The following EIF4G3 variants were observed in gnomAD, a reference collection of about 807,000 sequenced individuals.
The protein encoded by EIF4G3 is eukaryotic translation initiation factor 4 gamma 3.
In EIF4G3, 34 loss-of-function variants were observed where a neutral mutation model predicts 186.4. The observed-to-expected ratio is 0.18, with a 90% confidence interval of 0.14 to 0.24. The LOEUF is 0.24. EIF4G3 is among the 10% of genes least tolerant of loss of function. The pLI is 1.00. For missense variants in EIF4G3, 1,536 were observed against 1,948.5 expected (o/e 0.79, Z 3.99); for synonymous variants, 673 against 679.5 (o/e 0.99, Z 0.15).
At chr1:20,926,699 C>T (rs1316944898) in intron 14 of EIF4G3, among the ~76,000 whole-genome samples, 1 of 145,164 alleles carries the variant, frequency 6.9e-6, no homozygotes, top group East Asian at 2.0e-4. Flanking sequence ...AAAAAAACTA[C>T]AATTTTTTCT....
In EIF4G3 at chr1:20,865,254, T is replaced by C; in HGVS notation, c.2631A>G (p.Val877=). 6.2e-7 allele frequency: 1 copy of C among 1,613,724 alleles called. No homozygotes were observed. The highest frequency in any genetic ancestry group is 8.5e-7 in the Non-Finnish European group (1 of 1,179,896). ...TGTTACCAGGCTTGTCTGCCATGGGTACTTTCAGCTACATCCAGACAGGAA... is the reference window on the plus strand; with the variant it reads ...TGTTACCAGGCTTGTCTGCCATGGGCACTTTCAGCTACATCCAGACAGGAA... ...NMCRCLVTLK[V]PMADKPGNTV... The change falls in exon 21 of 37, where the codon GTA becomes GTG. Residue 877 remains valine, a synonymous_variant. Transcript: ENST00000602326.
At chr1:20,988,252 G>GT (rs1338147856) in intron 7 of EIF4G3, 1 of 170,258 alleles carries the variant, frequency 5.9e-6, no homozygotes, top group East Asian at 1.9e-4. Context: ...AAGTTATCCA[G>GT]AAGATCCAGC....
At chr1:20,946,251 A>G (rs2154562931) in intron 13 of EIF4G3, among the ~76,000 whole-genome samples, 1 of 152,306 alleles carries the variant, frequency 6.6e-6, no homozygotes, top group African/African-American at 2.4e-5. Flanking sequence ...CACTGAACAC[A>G]CTAGGTGCTT....
At chr1:20,878,317 G>A (rs1027732658) in intron 20 of EIF4G3, among the ~76,000 whole-genome samples, 1 of 152,012 alleles carries the variant, frequency 6.6e-6, no homozygotes, top group Admixed American at 6.6e-5. Context: ...AACTCTATTT[G>A]CTTTATAAAA....
intron 10 of EIF4G3, among the ~76,000 whole-genome samples, chr1:20,973,888 C>A (rs1381034780): frequency 6.6e-6 from 1 of 152,098 alleles, no homozygotes; most frequent in African/African-American, 2.4e-5. Context: ...TACTATCAAG[C>A]CAAATTGTTT....
At chr1:20,938,130 G>A (rs149106132) in intron 14 of EIF4G3, among the ~76,000 whole-genome samples, 100 of 151,908 alleles carry the variant, frequency 6.6e-4, no homozygotes, top group African/African-American at 2.4e-3. Flanking sequence ...CAGAATAGCT[G>A]GGATTACAGG....
At chr1:20,881,918 T>C (rs1469185899) in intron 19 of EIF4G3, among the ~76,000 whole-genome samples, 3 of 151,846 alleles carry the variant, frequency 2.0e-5, no homozygotes, top group Non-Finnish European at 4.4e-5. Flanking sequence ...ATCCCAGCTC[T>C]TTGGAAGGCA....
At chr1:21,037,480 C>A (rs575999453) in intron 4 of EIF4G3, among the ~76,000 whole-genome samples, 3 of 152,274 alleles carry the variant, frequency 2.0e-5, no homozygotes, top group Admixed American at 2.0e-4. Context: ...AAAACACCCA[C>A]TCTTATTCTG....
intron 2 of EIF4G3, among the ~76,000 whole-genome samples, chr1:21,152,374 AT>A (rs1440443202): frequency 2.7e-5 from 4 of 145,722 alleles, no homozygotes; most frequent in Non-Finnish European, 6.0e-5. Context: ...TTTTAAAAAA[AT>A]CTTTGGGTTC....
chr1:20,918,958 A>T (rs2094214459), intron 14 of EIF4G3, among the ~76,000 whole-genome samples: 1 of 152,158 alleles, frequency 6.6e-6, no homozygotes, highest in South Asian at 2.1e-4. Context: ...TCTCACAAGT[A>T]CTTTATATTT....
chr1:21,152,624 C>T (rs573987429), intron 2 of EIF4G3, among the ~76,000 whole-genome samples: 8 of 152,224 alleles, frequency 5.3e-5, no homozygotes, highest in African/African-American at 1.7e-4. Context: ...CTACCATGAC[C>T]CAGAGAGCTT....
At position 21,014,635 on chromosome 1, in the gene EIF4G3, C is replaced by CTT. The variant is rs35432782; in HGVS notation, c.-66-11829_-66-11828dup. 7.8e-3 allele frequency among the ~76,000 whole-genome samples: 998 copies of CTT among 128,096 alleles called. 15 individuals carry two copies. The highest frequency in any genetic ancestry group is 0.02 in the East Asian group (89 of 4,430). 84.0% of individuals were successfully genotyped at this position (128,096 alleles called of 152,430 possible). On this transcript the variant is annotated intron_variant, in intron 4 of 36. Transcript: ENST00000602326. ...ATGGCTTTCAGCTCCAGACAAACACCTTTTTTTTTTTTTTTTTGGTATGGA... is the reference window on the plus strand; with the variant it reads ...ATGGCTTTCAGCTCCAGACAAACACCTTTTTTTTTTTTTTTTTTTGGTATGGA...
intron 14 of EIF4G3, among the ~76,000 whole-genome samples, chr1:20,926,680 GA>G (rs376198678): frequency 0.036 from 4,513 of 124,330 alleles, 92 homozygotes; most frequent in Non-Finnish European, 0.056. Context: ...AAAAAGAAAA[GA>G]AAAAAAAAAA....
In EIF4G3 at chr1:20,810,858, T is replaced by C; in HGVS notation, c.4624A>G (p.Thr1542Ala). ...GGCACTCTCTGCTTGATAACAGCAG[T>C]GTCCACTCTGAAGGTAGAAGAGTCG... The part of the protein sequence containing the change: ...IADSSTFRVD[T>A]AVIKQRVPIL... The change falls in exon 36 of 37, where the codon ACT becomes GCT. Residue 1542 changes from threonine (T) to alanine (A), a missense_variant. Around this residue, in one of 11 missense-constraint regions of EIF4G3, gnomAD observed 395 missense variants for 498.9 expected, o/e 0.79. Transcript: ENST00000602326. This position sits in a 1 kb window ranked among gnomAD's most constrained non-coding sequence, Gnocchi z 4.1. The C allele has an allele frequency of 1.2e-6, 2 of 1,613,966 alleles. No individual in the cohort carries two copies. The highest frequency in any genetic ancestry group is 1.7e-6 in the Non-Finnish European group (2 of 1,179,848).
chr1:20,854,962 G>A lies in EIF4G3; in HGVS notation c.3433+16C>T, dbSNP rs1185547960. ...ACAAGCCACAGCCAGGTTTGAGAAG[G>A]GACACACACACTTACCAGTCTCACT... On this transcript the variant is annotated intron_variant, in intron 26 of 36. Coordinates refer to ENST00000602326, the MANE Select transcript of EIF4G3 (RefSeq NM_001391906.1). 1.2e-6 allele frequency: 2 copies of A among 1,605,912 alleles called. No homozygotes were observed. The highest frequency in any genetic ancestry group is 2.2e-5 in the South Asian group (2 of 90,702).
chr1:20,813,825 G>A (rs1035659401), intron 34 of EIF4G3, among the ~76,000 whole-genome samples: 10 of 150,944 alleles, frequency 6.6e-5, no homozygotes, highest in African/African-American at 2.0e-4. Flanking sequence ...CAGACTGGGC[G>A]ACAAGTGCAA....
At chr1:21,146,494 C>A (rs1046916017) in intron 2 of EIF4G3, among the ~76,000 whole-genome samples, 24 of 152,166 alleles carry the variant, frequency 1.6e-4, no homozygotes, top group Non-Finnish European at 2.8e-4. Context: ...GGCGGGGTGG[C>A]TCACACCTGT....
chr1:20,844,563 C>T lies in EIF4G3; in HGVS notation c.3889-3535G>A, dbSNP rs1177246424. Among the ~76,000 whole-genome samples the T allele has an allele frequency of 7.9e-5, 12 of 151,858 alleles. No homozygotes were observed. The South Asian group carries it at 1.3e-3, about 16-fold the overall frequency. ...TGCACATAAGACCTTTGTCGGGGGC[C>T]GGGCATGGTGGCTTACGCCTGTAAT... On this transcript the variant is annotated intron_variant, in intron 29 of 36. Transcript: ENST00000602326.
chr1:21,036,080 C>T (rs1002351916), intron 4 of EIF4G3, among the ~76,000 whole-genome samples: 3 of 151,478 alleles, frequency 2.0e-5, no homozygotes, highest in Admixed American at 1.3e-4. Context: ...GCTCCAGGGC[C>T]TCCTCTCTGG....
Sources: gnomAD v4.1 joint callset for allele counts (sites outside exome capture counted in the v4.1 genomes callset) on GRCh38, gnomAD v4.1.1 for gene constraint, gnomAD v4.1.1 regional missense constraint, Gnocchi (gnomAD v3.1) non-coding constraint, MANE v1.5 for transcripts, NCBI Gene and HGNC (gene_info 2026-07-23, HGNC 2026-07-21) for gene names.